Variants in TIMP2 observed in about 807,000 individuals in gnomAD.
The protein encoded by TIMP2 is metalloproteinase inhibitor 2.
Under a neutral mutation model 24.3 loss-of-function variants are expected in TIMP2, and 5 were observed. That is an observed-to-expected ratio of 0.21 (90% CI 0.11 to 0.43). The LOEUF is 0.43. Ranked by LOEUF, TIMP2 falls within the 20% of genes least tolerant of loss-of-function variation. TIMP2 has a pLI of 1.00. For missense variants in TIMP2, 221 were observed against 297.5 expected (o/e 0.74, Z 1.89); for synonymous variants, 130 against 123.2 (o/e 1.06, Z -0.37).
intron 1 of TIMP2, among the ~76,000 whole-genome samples, chr17:78,875,278 A>G (rs1041603546): frequency 6.6e-6 from 1 of 152,140 alleles, no homozygotes; most frequent in African/African-American, 2.4e-5. Context: ...CAGCTGGCAG[A>G]CCCAAGGGAC....
At chr17:78,865,507 C>T (rs2069603874) in intron 3 of TIMP2, among the ~76,000 whole-genome samples, 1 of 151,898 alleles carries the variant, frequency 6.6e-6, no homozygotes, top group African/African-American at 2.4e-5. Flanking sequence ...GCCTGTAATC[C>T]CTGCTACTCG....
chr17:78,856,046 C>T lies in TIMP2; in HGVS notation c.466-182G>A. 6.3e-6 allele frequency: 4 copies of T among 636,490 alleles called. No individual in the cohort carries two copies. The South Asian group carries it at 7.4e-5, about 12-fold the overall frequency. The allele number at this position is 636,490 out of a possible 1,614,324, so 39.4% of individuals were successfully genotyped here. ...CAGCTGGCCTGCGAGGGGGTCTAAC[C>T]TGCAGGGAAGCTGTGCCCTGCCCAC... On this transcript the variant is annotated intron_variant, in intron 4 of 4. Coordinates refer to ENST00000262768, the MANE Select transcript of TIMP2 (RefSeq NM_003255.5).
Position 78,857,639 on chromosome 17 carries a change from G to T in TIMP2, c.348C>A (p.Ala116=). ...GKKEYLIAGK[A]EGDGKMHITL... The stretch of plus-strand genomic sequence containing the variant: ...TGATGTGCATCTTGCCGTCCCCCTC[G>T]GCCTTTCCTGCGGAGAGACGGGGAT... The change falls in exon 4 of 5, where the codon GCC becomes GCA. Residue 116 remains alanine (A), a synonymous_variant. Coordinates refer to ENST00000262768, the MANE Select transcript of TIMP2 (RefSeq NM_003255.5). 6.2e-7 allele frequency: 1 copy of T among 1,614,110 alleles called. No individual in the cohort carries two copies. Among genetic ancestry groups the T allele is most frequent in the Non-Finnish European group, 8.5e-7 (1 of 1,180,012 alleles).
rs538459082 is a variant in TIMP2 at position 78,896,408 on chromosome 17, G to A, written c.131-22489C>T. Among the ~76,000 whole-genome samples the A allele has an allele frequency of 3.3e-5, 5 of 152,270 alleles. No individual in the cohort carries two copies. The highest frequency in any genetic ancestry group is 9.6e-5 in the African/African-American group (4 of 41,552). ...TCCAGCCCTGCCAGACAGGACGTCGGGTGCCCTTGGCAGGACACTTGCCAA... is the reference window on the plus strand; with the variant it reads ...TCCAGCCCTGCCAGACAGGACGTCGAGTGCCCTTGGCAGGACACTTGCCAA... On this transcript the variant is annotated intron_variant, in intron 1 of 4. Transcript: ENST00000262768. The surrounding 1 kb of genome is among the most constrained non-coding windows in gnomAD (Gnocchi z 4.4).
Position 78,891,842 on chromosome 17 carries a change from T to G in TIMP2, c.131-17923A>C. ...AGGTTCTGGCCTTCCCTTTCTCTTC[T>G]CAGGCGGGGCCAGGTGAGAATTCAT... On this transcript the variant is annotated intron_variant, in intron 1 of 4. Transcript: ENST00000262768. This position sits in a 1 kb window ranked among gnomAD's most constrained non-coding sequence, Gnocchi z 4.5. 6.4e-7 allele frequency: 1 copy of G among 1,550,744 alleles called. No homozygotes were observed. The highest frequency in any genetic ancestry group is 1.2e-5 in the South Asian group (1 of 84,066).
intron 3 of TIMP2, among the ~76,000 whole-genome samples, chr17:78,868,030 G>A (rs1024552572): frequency 6.6e-6 from 1 of 152,146 alleles, no homozygotes; most frequent in South Asian, 2.1e-4. Context: ...GGATCTCACC[G>A]TGGGAATCTC....
intron 1 of TIMP2, among the ~76,000 whole-genome samples, chr17:78,911,139 C>T (rs1293684986): frequency 6.6e-6 from 1 of 152,180 alleles, no homozygotes; most frequent in Non-Finnish European, 1.5e-5. Context: ...CATCTGTCCC[C>T]GTCCCTTGAA....
intron 1 of TIMP2, among the ~76,000 whole-genome samples, chr17:78,911,205 G>A (rs1301575516): frequency 6.6e-6 from 1 of 152,204 alleles, no homozygotes; most frequent in East Asian, 1.9e-4. Context: ...GGAGCAGGGA[G>A]GAACCAGGCT....
intron 2 of TIMP2, among the ~76,000 whole-genome samples, chr17:78,873,535 C>T (rs1009233613): frequency 4.6e-5 from 7 of 152,178 alleles, no homozygotes; most frequent in Non-Finnish European, 7.3e-5. Context: ...TCAAGTGATC[C>T]GCCCACCTCG....
In TIMP2 at chr17:78,854,025, T is replaced by A. The variant is rs987108773; in HGVS notation, c.*1642A>T. The A allele has an allele frequency of 2.0e-5, 3 of 152,040 alleles. No homozygotes were observed. The highest frequency in any genetic ancestry group is 4.8e-5 in the African/African-American group (2 of 41,368). 9.4% of individuals were successfully genotyped at this position (152,040 alleles called of 1,614,324 possible). ...TCCCAGTCTGCCCTAGAAAGGGAAG[T>A]CATCAAGATCTGTGCTGACCAGGTC... On this transcript the variant is annotated 3_prime_UTR_variant, in exon 5 of 5. Coordinates refer to ENST00000262768, the MANE Select transcript of TIMP2 (RefSeq NM_003255.5).
At chr17:78,902,353 T>C (rs4789861) in intron 1 of TIMP2, among the ~76,000 whole-genome samples, 145,614 of 152,340 alleles carry the variant, frequency 0.96, 69,597 homozygotes, top group South Asian at 0.98. Flanking sequence ...GGTGATCCAC[T>C]CGCCTCGGCC....
intron 3 of TIMP2, 144 bp downstream of exon 3, chr17:78,870,754 C>T (rs187751840): frequency 1.1e-5 from 6 of 554,944 alleles, no homozygotes; most frequent in East Asian, 6.4e-5. Context: ...GGGAAGTGGC[C>T]GAGAGGGCTC....
In TIMP2 at chr17:78,924,431, G is replaced by T. The variant is rs2070333224; in HGVS notation, c.130+528C>A. On this transcript the variant is annotated intron_variant, in intron 1 of 4. Transcript: ENST00000262768. The surrounding 1 kb of genome is among the most constrained non-coding windows in gnomAD (Gnocchi z 5.3). The stretch of plus-strand genomic sequence containing the variant: ...CTCTGGGCCTGTGGAACCTGCCTCG[G>T]GTAGGGCGGGCTTCCATCCCACCCT... Among the ~76,000 whole-genome samples, 1 of 152,224 alleles carries T rather than the reference G, an allele frequency of 6.6e-6. No individual in the cohort carries two copies. Among genetic ancestry groups the T allele is most frequent in the African/African-American group, 2.4e-5 (1 of 41,464 alleles).
intron 1 of TIMP2, among the ~76,000 whole-genome samples, chr17:78,893,026 G>A (rs1395230104): frequency 6.6e-6 from 1 of 152,152 alleles, no homozygotes; most frequent in Non-Finnish European, 1.5e-5. Flanking sequence ...AAAGGAGGAA[G>A]AGACGGGGCA....
intron 1 of TIMP2, among the ~76,000 whole-genome samples, chr17:78,875,031 G>A (rs1176660750): frequency 6.6e-6 from 1 of 152,166 alleles, no homozygotes. Flanking sequence ...ATGAGCTACA[G>A]TGCCCAACCT....
chr17:78,869,120 A>C (rs2069645013), intron 3 of TIMP2, among the ~76,000 whole-genome samples: 1 of 152,224 alleles, frequency 6.6e-6, no homozygotes, highest in African/African-American at 2.4e-5. Context: ...AAATAATTTT[A>C]CTTAGGAATA....
At chr17:78,877,537 A>AAAG (rs2069738245) in intron 1 of TIMP2, among the ~76,000 whole-genome samples, 1 of 140,440 alleles carries the variant, frequency 7.1e-6, no homozygotes, top group Admixed American at 7.6e-5. Flanking sequence ...CAACAGAGTG[A>AAAG]GACTCCGTCT....
intron 2 of TIMP2, among the ~76,000 whole-genome samples, 182 bp downstream of exon 2, chr17:78,873,637 C>T (rs1041961513): frequency 6.6e-6 from 1 of 152,198 alleles, no homozygotes; most frequent in Non-Finnish European, 1.5e-5. Flanking sequence ...GTCATCTCCA[C>T]ACAACTTTTC....
At chr17:78,907,964 T>C (rs918101108) in intron 1 of TIMP2, among the ~76,000 whole-genome samples, 1 of 152,010 alleles carries the variant, frequency 6.6e-6, no homozygotes, top group African/African-American at 2.4e-5. Flanking sequence ...CGAAACCCCA[T>C]CTGTACTAAA....
Sources: allele counts gnomAD v4.1 joint callset (sites outside exome capture counted in the v4.1 genomes callset), GRCh38; gene constraint gnomAD v4.1.1; non-coding constraint Gnocchi (gnomAD v3.1); transcripts MANE v1.5; gene names NCBI Gene and HGNC (gene_info 2026-07-23, HGNC 2026-07-21).